The following PKN2 variants were observed in gnomAD, a reference collection of about 807,000 sequenced individuals.
PKN2 encodes serine/threonine-protein kinase N2.
A neutral mutation model predicts 119.1 loss-of-function variants in PKN2; 38 were observed. The observed-to-expected ratio is 0.32, with a 90% CI of 0.25 to 0.42. PKN2 has a LOEUF of 0.42. Among genes scored for constraint, PKN2 ranks in the 10% least tolerant of loss-of-function variants. The pLI is 1.00. For synonymous variants in PKN2, 390 were observed against 384.9 expected, an observed-to-expected ratio of 1.01 and a Z score of -0.15; for missense variants, 850 against 1,165.1, an observed-to-expected ratio of 0.73 and a Z score of 3.94.
chr1:88,780,166 T>C (rs568672259), intron 6 of PKN2, among the ~76,000 whole-genome samples: 1 of 152,324 alleles, frequency 6.6e-6, no homozygotes, highest in African/African-American at 2.4e-5. Context: ...GCTTTAGAGT[T>C]ATACAGTGCC....
At chr1:88,735,837 C>G (rs576143865) in intron 1 of PKN2, among the ~76,000 whole-genome samples, 2 of 152,088 alleles carry the variant, frequency 1.3e-5, no homozygotes, top group South Asian at 4.2e-4. Flanking sequence ...TGATTGGTAA[C>G]CTTTGACCTT....
chr1:88,768,041 T>TC (rs753517031), intron 3 of PKN2, among the ~76,000 whole-genome samples: 9,474 of 152,244 alleles, frequency 0.062, no homozygotes, highest in African/African-American at 0.16. Context: ...GATGCTTAAA[T>TC]AATATGCAAA....
intron 1 of PKN2, among the ~76,000 whole-genome samples, chr1:88,739,117 A>G (rs1668471613): frequency 6.6e-6 from 1 of 152,178 alleles, no homozygotes; most frequent in Admixed American, 6.5e-5. Context: ...GAACCTGGTA[A>G]GTATACATAA....
At chr1:88,760,473 C>A in intron 3 of PKN2, 97 bp downstream of exon 3, 1 of 671,500 alleles carries the variant, frequency 1.5e-6, no homozygotes, top group Non-Finnish European at 2.5e-6. Context: ...TTAGTAACTC[C>A]AACATCAGTA....
At chr1:88,692,481 A>G (rs1041215105) in intron 1 of PKN2, among the ~76,000 whole-genome samples, 1 of 152,206 alleles carries the variant, frequency 6.6e-6, no homozygotes, top group Non-Finnish European at 1.5e-5. Flanking sequence ...TCATATTAGC[A>G]ATATATGAAA....
At chr1:88,795,068 A>G (rs1255905670) in intron 8 of PKN2, among the ~76,000 whole-genome samples, 2 of 152,202 alleles carry the variant, frequency 1.3e-5, no homozygotes, top group Non-Finnish European at 2.9e-5. Context: ...ATTACCAGCA[A>G]CTTTTCTTTT....
chr1:88,713,537 G>A (rs530074592), intron 1 of PKN2, among the ~76,000 whole-genome samples: 1 of 152,252 alleles, frequency 6.6e-6, no homozygotes, highest in East Asian at 1.9e-4. Context: ...GTGATGATGA[G>A]CTTTTTTTCA....
intron 10 of PKN2, 28 bp downstream of exon 10, chr1:88,804,949 AT>A: frequency 9.7e-7 from 1 of 1,027,510 alleles, no homozygotes; most frequent in Non-Finnish European, 1.5e-6. Flanking sequence ...AATGCATAGC[AT>A]TTTGATATTT....
Position 88,833,482 on chromosome 1 carries a change from A to C in PKN2, c.*34A>C, listed in dbSNP as rs1390997627. The C allele has an allele frequency of 2.6e-6, 4 of 1,547,022 alleles. No homozygotes were observed. The highest frequency in any genetic ancestry group is 2.7e-6 in the Non-Finnish European group (3 of 1,122,126). On this transcript the variant is annotated 3_prime_UTR_variant, in exon 22 of 22. Transcript: ENST00000370521. Reference sequence around the variant, plus strand: ...ACACTGCGAAACCAAGCTGACTCACAAGAAGACCTCTTAAAAATAGCAACC... The same window carrying C: ...ACACTGCGAAACCAAGCTGACTCACCAGAAGACCTCTTAAAAATAGCAACC...
chr1:88,732,741 A>C (rs905802266), intron 1 of PKN2, among the ~76,000 whole-genome samples: 3 of 152,124 alleles, frequency 2.0e-5, no homozygotes, highest in Non-Finnish European at 4.4e-5. Context: ...ACTATTTTTA[A>C]ATTTCTTGTT....
At chr1:88,715,797 G>A (rs1489373619) in intron 1 of PKN2, among the ~76,000 whole-genome samples, 4 of 152,060 alleles carry the variant, frequency 2.6e-5, no homozygotes, top group African/African-American at 4.8e-5. Context: ...GTCTCTTTCA[G>A]TTCTGCTCTG....
chr1:88,795,726 G>T (rs767961868), intron 8 of PKN2, among the ~76,000 whole-genome samples: 7 of 152,332 alleles, frequency 4.6e-5, no homozygotes, highest in Middle Eastern at 3.4e-3. Context: ...AGTCAAGTCT[G>T]TCTGAAGCCA....
intron 6 of PKN2, among the ~76,000 whole-genome samples, chr1:88,779,571 G>A (rs75828099): frequency 1.3e-5 from 2 of 150,854 alleles, no homozygotes; most frequent in Non-Finnish European, 2.9e-5. Context: ...ACCTACAAAG[G>A]CTTCTTTTTT....
At chr1:88,734,463 C>G (rs1023238866) in intron 1 of PKN2, among the ~76,000 whole-genome samples, 14 of 152,106 alleles carry the variant, frequency 9.2e-5, no homozygotes, top group South Asian at 4.1e-4. Flanking sequence ...TGCCCTTTTC[C>G]CATTGAGTGT....
chr1:88,813,005 G>A (rs1671841822), intron 15 of PKN2, among the ~76,000 whole-genome samples: 1 of 152,058 alleles, frequency 6.6e-6, no homozygotes, highest in African/African-American at 2.4e-5. Context: ...TTATAATAGT[G>A]CCTTAATCTG....
At chr1:88,811,667 A>T (rs1196071048) in intron 15 of PKN2, among the ~76,000 whole-genome samples, 3 of 152,154 alleles carry the variant, frequency 2.0e-5, no homozygotes, top group Non-Finnish European at 4.4e-5. Context: ...GAACACAGTC[A>T]TTCTTGGTGC....
At chr1:88,768,050 A>G (rs1669739239) in intron 3 of PKN2, among the ~76,000 whole-genome samples, 1 of 152,220 alleles carries the variant, frequency 6.6e-6, no homozygotes, top group Admixed American at 6.5e-5. Flanking sequence ...ATAATATGCA[A>G]AGCTTCTCCT....
chr1:88,764,939 T>A (rs925962663), intron 3 of PKN2, among the ~76,000 whole-genome samples: 1 of 152,170 alleles, frequency 6.6e-6, no homozygotes, highest in Admixed American at 6.5e-5. Flanking sequence ...TTTGTTTTGT[T>A]TTTGAGACAG....
intron 1 of PKN2, among the ~76,000 whole-genome samples, chr1:88,704,316 C>T (rs962889846): frequency 3.3e-5 from 5 of 152,056 alleles, no homozygotes; most frequent in South Asian, 2.1e-4. Context: ...CAGTATGTAT[C>T]GGTAGTTCAA....
Sources: gnomAD v4.1 joint callset for allele counts (sites outside exome capture counted in the v4.1 genomes callset) on GRCh38, gnomAD v4.1.1 for gene constraint, MANE v1.5 for transcripts, NCBI Gene and HGNC (gene_info 2026-07-23, HGNC 2026-07-21) for gene names.